Variants in YTHDC2 observed in about 807,000 individuals in gnomAD.
YTHDC2 encodes the protein YTH N6-methyladenosine RNA binding protein C2.
YTHDC2 carries 45 observed loss-of-function variants against 174.9 expected under a neutral mutation model. The ratio of observed to expected loss-of-function variants is 0.26; its 90% CI spans 0.20 to 0.33. The LOEUF (loss-of-function observed/expected upper bound fraction) is 0.33. Among genes scored for constraint, YTHDC2 ranks in the 10% least tolerant of loss-of-function variants. YTHDC2 has a pLI of 1.00. For synonymous variants in YTHDC2, 657 were observed against 574.5 expected (o/e 1.14, Z -2.05); for missense variants, 1,650 against 1,723.7 (o/e 0.96, Z 0.76).
At chr5:113,580,687 G>C (rs1397452180) in intron 24 of YTHDC2, among the ~76,000 whole-genome samples, 1 of 152,162 alleles carries the variant, frequency 6.6e-6, no homozygotes, top group Non-Finnish European at 1.5e-5. Flanking sequence ...TGTTGTCAAA[G>C]TCAGTCTGCT....
chr5:113,534,912 C>T (rs1416700690), intron 6 of YTHDC2, among the ~76,000 whole-genome samples: 1 of 151,522 alleles, frequency 6.6e-6, no homozygotes, highest in African/African-American at 2.4e-5. Flanking sequence ...TAGTTTGTGT[C>T]AAAAAAAATT....
chr5:113,541,696 G>GT (rs1775481594), intron 9 of YTHDC2, among the ~76,000 whole-genome samples: 1 of 151,872 alleles, frequency 6.6e-6, no homozygotes, highest in South Asian at 2.1e-4. Context: ...CTGTACATGA[G>GT]TTTTTAAAAA....
At position 113,563,887 on chromosome 5, in the gene YTHDC2, A is replaced by G; in HGVS notation, c.2471A>G (p.Asp824Gly). 6.2e-7 allele frequency: 1 copy of G among 1,614,192 alleles called. No individual in the cohort carries two copies. The highest frequency in any genetic ancestry group is 2.2e-5 in the East Asian group (1 of 44,876). ...KTIDAMDTWE[D>G]LTELGYHLAD... ...ATAGATGCAATGGATACATGGGAAG[A>G]TCTGACTGAACTTGGGTATCATTTG... The change falls in exon 20 of 30, where the codon GAT (aspartate) becomes GGT (glycine). Residue 824 changes from aspartate (D) to glycine (G), a missense_variant. Around this residue, in one of 5 missense-constraint regions of YTHDC2, gnomAD observed 913 missense variants for 940.4 expected, o/e 0.97. Transcript: ENST00000161863.
chr5:113,537,675 C>T (rs1234192204), intron 7 of YTHDC2, among the ~76,000 whole-genome samples: 1 of 151,714 alleles, frequency 6.6e-6, no homozygotes, highest in Non-Finnish European at 1.5e-5. Flanking sequence ...TCATTCATGC[C>T]CTGGGCTTCT....
Position 113,564,297 on chromosome 5 carries a change from T to C in YTHDC2, c.2715+166T>C, listed in dbSNP as rs369047668. Among the ~76,000 whole-genome samples the C allele has an allele frequency of 2.0e-5, 3 of 152,230 alleles. No individual in the cohort carries two copies. The East Asian group carries it at 5.8e-4, about 29-fold the overall frequency. On this transcript the variant is annotated intron_variant, in intron 20 of 29. Coordinates refer to ENST00000161863, the MANE Select transcript of YTHDC2 (RefSeq NM_022828.5). ...GAAAAATATCTTCTTGCTGTTGTTA[T>C]GTTAAAATTAAAACAGTTTTGCTCT...
intron 24 of YTHDC2, 51 bp from the exon 25 acceptor site, chr5:113,581,366 T>G: frequency 6.8e-7 from 1 of 1,469,708 alleles, no homozygotes; most frequent in South Asian, 1.5e-5. Flanking sequence ...AACACATAGG[T>G]GTTTTGCATA....
At position 113,513,776 on chromosome 5, in the gene YTHDC2, C is replaced by A. The variant is rs532690011; in HGVS notation, c.-120C>A. 16 of 1,163,372 alleles carry A rather than the reference C, an allele frequency of 1.4e-5. No homozygotes were observed. In the Admixed American group the frequency reaches 4.2e-4, roughly 30 times the overall value. The allele number at this position is 1,163,372 out of a possible 1,614,324, so 72.1% of individuals were successfully genotyped here. ...CTGAGGCCTTTCTGGTGACCTCAGC[C>A]CAACACAGGCCGTCTCCGGAGCTTC... On this transcript the variant is annotated 5_prime_UTR_variant, in exon 1 of 30. Transcript: ENST00000161863.
chr5:113,581,564 G>C lies in YTHDC2; in HGVS notation c.3502G>C (p.Gly1168Arg), dbSNP rs761150438. Residue 1168 changes from glycine (G) to arginine (R), a missense_variant, in exon 25 of 30, where the codon GGT (glycine) becomes CGT (arginine). Gly to Arg is a moderately radical substitution (Grantham distance 125). Around this residue, in one of 5 missense-constraint regions of YTHDC2, gnomAD observed 913 missense variants for 940.4 expected, o/e 0.97. Transcript: ENST00000161863. ...TTTAAGCACTGAAGAACAGTCTGCA[G>C]GTTTACAACAACCATCTGGGATTGG... is the stretch of plus-strand genomic sequence containing the variant. ...AVLSTEEQSA[G>R]LQQPSGIGQR... 1 of 1,613,930 alleles carries C rather than the reference G, an allele frequency of 6.2e-7. No homozygotes were observed. Among genetic ancestry groups the C allele is most frequent in the Non-Finnish European group, 8.5e-7 (1 of 1,179,950 alleles).
chr5:113,579,206 C>CTA (rs1778245875), intron 23 of YTHDC2, among the ~76,000 whole-genome samples: 1 of 151,986 alleles, frequency 6.6e-6, no homozygotes, highest in Non-Finnish European at 1.5e-5. Flanking sequence ...CTTTTTAAAA[C>CTA]TGACCTGTGA....
At chr5:113,544,913 C>G in intron 10 of YTHDC2, among the ~76,000 whole-genome samples, 1 of 152,152 alleles carries the variant, frequency 6.6e-6, no homozygotes, top group East Asian at 1.9e-4. Context: ...ACCCCATTGT[C>G]ATATTGATTC....
chr5:113,576,449 T>C (rs2112773835), intron 23 of YTHDC2, among the ~76,000 whole-genome samples: 1 of 152,314 alleles, frequency 6.6e-6, no homozygotes, highest in East Asian at 1.9e-4. Flanking sequence ...TTAATTCATT[T>C]AATATTTTCT....
chr5:113,525,026 A>G lies in YTHDC2; in HGVS notation c.324A>G (p.Ser108=), dbSNP rs747385168. The G allele has an allele frequency of 3.1e-6, 5 of 1,609,906 alleles. No individual in the cohort carries two copies. In the Admixed American group the frequency reaches 8.4e-5, roughly 27 times the overall value. ...TAACTGTGAAGAAGAAAGATGGATC[A>G]GAAACAGCTCATGCAATGATGACCT... The part of the protein sequence containing the change: ...RYLTVKKKDG[S]ETAHAMMTCN... Residue 108 remains serine, a synonymous_variant, in exon 3 of 30, where the codon TCA becomes TCG. Transcript: ENST00000161863.
intron 4 of YTHDC2, among the ~76,000 whole-genome samples, chr5:113,527,353 A>T (rs1774333486): frequency 6.6e-6 from 1 of 152,234 alleles, no homozygotes; most frequent in African/African-American, 2.4e-5. Context: ...TTTTAGAATC[A>T]AAGTACCTCC....
chr5:113,539,200 G>A lies in YTHDC2; in HGVS notation c.1210+19G>A. On this transcript the variant is annotated intron_variant, in intron 8 of 29. Transcript: ENST00000161863. Reference sequence around the variant, plus strand: ...CAGCAAGGTAAATTTTTTAATAAAAGAAATATAAAAGAAATTACTATTGAT... The same window carrying A: ...CAGCAAGGTAAATTTTTTAATAAAAAAAATATAAAAGAAATTACTATTGAT... The A allele has an allele frequency of 8.9e-7, 1 of 1,121,472 alleles. No homozygotes were observed. The highest frequency in any genetic ancestry group is 1.7e-5 in the African/African-American group (1 of 59,396). The allele number at this position is 1,121,472 out of a possible 1,614,324, so 69.5% of individuals were successfully genotyped here.
At chr5:113,554,734 C>T (rs1022743394) in intron 16 of YTHDC2, among the ~76,000 whole-genome samples, 4 of 136,512 alleles carry the variant, frequency 2.9e-5, no homozygotes, top group African/African-American at 9.7e-5. Context: ...AACAGCCAAC[C>T]TTTGTTATAA....
In YTHDC2 at chr5:113,526,683, G is replaced by T; in HGVS notation, c.573G>T (p.Gln191His). 1 of 1,596,930 alleles carries T rather than the reference G, an allele frequency of 6.3e-7. No individual in the cohort carries two copies. The change falls in exon 4 of 30, where the codon CAG becomes CAT. Residue 191 changes from glutamine to histidine, a missense_variant. Coordinates refer to ENST00000161863, the MANE Select transcript of YTHDC2 (RefSeq NM_022828.5). ...AATCCGAATTTGATTCTTTTAGGCA[G>T]TCTTTACCAGTGTTTGAGAAACAGG... The part of the protein sequence containing the change: ...RGESEFDSFR[Q>H]SLPVFEKQEE...
chr5:113,582,776 C>A (rs778369818), intron 25 of YTHDC2: 1 of 152,006 alleles, frequency 6.6e-6, no homozygotes, highest in Non-Finnish European at 1.5e-5. Context: ...GGCTTAATAT[C>A]ATTTAAGCCT....
At chr5:113,584,252 T>C in intron 25 of YTHDC2, 50 bp from the exon 26 acceptor site, 1 of 1,499,734 alleles carries the variant, frequency 6.7e-7, no homozygotes, top group Non-Finnish European at 9.0e-7. Context: ...CTGATCTTTG[T>C]ATGACGAACT....
intron 8 of YTHDC2, among the ~76,000 whole-genome samples, chr5:113,539,396 G>T (rs1337869137): frequency 6.6e-6 from 1 of 152,170 alleles, no homozygotes; most frequent in Admixed American, 6.5e-5. Context: ...CTGAAAGTGG[G>T]TGCCAGAGTT....
Sources: allele counts gnomAD v4.1 joint callset (sites outside exome capture counted in the v4.1 genomes callset), GRCh38; gene constraint gnomAD v4.1.1; regional missense constraint gnomAD v4.1.1; transcripts MANE v1.5; gene names NCBI Gene and HGNC (gene_info 2026-07-23, HGNC 2026-07-21).